LPP: variants seen among roughly 807,000 people sequenced by gnomAD.
The protein encoded by LPP is LIM domain containing preferred translocation partner in lipoma.
LPP carries 38 observed loss-of-function variants against 60.4 expected under a neutral mutation model. The observed-to-expected ratio is 0.63, with a 90% CI of 0.49 to 0.83. The LOEUF (loss-of-function observed/expected upper bound fraction) is 0.83. Ranked by LOEUF, LPP falls within the 40% of genes least tolerant of loss-of-function variation. LPP has a pLI of 0.00. For missense variants in LPP, 902 were observed against 783.6 expected, an observed-to-expected ratio of 1.15 and a Z score of -1.80; for synonymous variants, 328 against 290.8, an observed-to-expected ratio of 1.13 and a Z score of -1.30.
rs189353433 is a variant in LPP, at chr3:188,465,336, G to A, written c.194-19256G>A. On this transcript the variant is annotated intron_variant, in intron 4 of 11. Transcript: ENST00000617246. ...ATTAATATGAGAAATTCCGCAATGA[G>A]TAAGTCGGAACTATTCGGTGTTATG... Among the ~76,000 whole-genome samples the A allele has an allele frequency of 7.2e-5, 11 of 152,256 alleles. No individual in the cohort carries two copies. In the East Asian group the frequency reaches 1.9e-3, roughly 27 times the overall value.
At chr3:188,470,451 C>T (rs1279922515) in intron 4 of LPP, among the ~76,000 whole-genome samples, 1 of 151,126 alleles carries the variant, frequency 6.6e-6, no homozygotes, top group African/African-American at 2.4e-5. Flanking sequence ...TATACCCACT[C>T]AGGAAATATT....
At chr3:188,438,877 A>G (rs997972716) in intron 4 of LPP, among the ~76,000 whole-genome samples, 13 of 152,162 alleles carry the variant, frequency 8.5e-5, no homozygotes, top group African/African-American at 3.1e-4. Context: ...TTAAATACCT[A>G]TTGATTTAAA....
chr3:188,198,796 A>G (rs1031093342), intron 1 of LPP, among the ~76,000 whole-genome samples: 7 of 152,220 alleles, frequency 4.6e-5, no homozygotes, highest in Admixed American at 6.5e-5. Flanking sequence ...ACTGGTGTCC[A>G]TGAAAAACGT....
At chr3:188,521,615 A>G (rs1272837087) in intron 5 of LPP, among the ~76,000 whole-genome samples, 1 of 152,230 alleles carries the variant, frequency 6.6e-6, no homozygotes, top group Admixed American at 6.5e-5. Context: ...ATATTAATTT[A>G]TAGTTACTGG....
intron 6 of LPP, 44 bp downstream of exon 6, chr3:188,524,831 A>C: frequency 6.3e-7 from 1 of 1,577,288 alleles, no homozygotes. Flanking sequence ...ATTCCCAGAT[A>C]TTCTACTCTT....
chr3:188,242,182 A>G (rs755825118), intron 2 of LPP, among the ~76,000 whole-genome samples: 4 of 152,166 alleles, frequency 2.6e-5, no homozygotes, highest in Non-Finnish European at 4.4e-5. Flanking sequence ...GAGCTTTTAG[A>G]CACTCAGCCT....
intron 1 of LPP, among the ~76,000 whole-genome samples, chr3:188,187,357 C>T (rs536880640): frequency 7.9e-5 from 12 of 152,062 alleles, no homozygotes; most frequent in Non-Finnish European, 8.8e-5. Context: ...ACTGAACTTT[C>T]CCTTAGCATC....
intron 2 of LPP, among the ~76,000 whole-genome samples, chr3:188,272,759 C>T (rs966039719): frequency 6.6e-6 from 1 of 152,152 alleles, no homozygotes; most frequent in Admixed American, 6.5e-5. Flanking sequence ...TTAATGGTTA[C>T]AAATGCCTGG....
chr3:188,158,328 A>G (rs62289746), intron 1 of LPP, among the ~76,000 whole-genome samples: 13,278 of 152,198 alleles, frequency 0.087, 652 homozygotes, highest in Non-Finnish European at 0.099. Flanking sequence ...GCAGGAAGCT[A>G]GTATCTGGGT....
chr3:188,686,826 C>A (rs1860845225), intron 7 of LPP, among the ~76,000 whole-genome samples: 1 of 152,158 alleles, frequency 6.6e-6, no homozygotes, highest in Non-Finnish European at 1.5e-5. Flanking sequence ...CTTGCTTCTC[C>A]TGCATTTGTT....
At chr3:188,769,266 A>G (rs898268955) in intron 9 of LPP, among the ~76,000 whole-genome samples, 1 of 152,158 alleles carries the variant, frequency 6.6e-6, no homozygotes, top group African/African-American at 2.4e-5. Context: ...TCGTATTATC[A>G]CCCTTTATTA....
chr3:188,276,894 C>CTTTTTTTTTTT (rs1203656488), intron 2 of LPP, among the ~76,000 whole-genome samples: 13 of 38,200 alleles, frequency 3.4e-4, no homozygotes, highest in Admixed American at 7.3e-4. Context: ...CTTTTCTTTT[C>CTTTTTTTTTTT]TTTTTTTTTT....
chr3:188,868,894 G>C (rs1337809719), intron 10 of LPP, among the ~76,000 whole-genome samples: 1 of 152,194 alleles, frequency 6.6e-6, no homozygotes, highest in Non-Finnish European at 1.5e-5. Context: ...AAATTGTGCA[G>C]ATATATATAG....
At chr3:188,306,197 C>G (rs1028801756) in intron 2 of LPP, among the ~76,000 whole-genome samples, 1 of 152,130 alleles carries the variant, frequency 6.6e-6, no homozygotes, top group Non-Finnish European at 1.5e-5. Context: ...TCTCCTGCCT[C>G]AGCCTCCCAA....
At chr3:188,205,543 A>G (rs949900992) in intron 1 of LPP, among the ~76,000 whole-genome samples, 1 of 152,144 alleles carries the variant, frequency 6.6e-6, no homozygotes, top group African/African-American at 2.4e-5. Flanking sequence ...CGGCCTCCCA[A>G]AGTGCTGGGA....
chr3:188,465,933 C>T (rs1211907957), intron 4 of LPP, among the ~76,000 whole-genome samples: 2 of 152,096 alleles, frequency 1.3e-5, no homozygotes, highest in Admixed American at 6.6e-5. Context: ...AAAGTTCTCA[C>T]GTGTTTTTAA....
At chr3:188,399,658 A>G (rs559425695) in intron 3 of LPP, among the ~76,000 whole-genome samples, 100 of 152,346 alleles carry the variant, frequency 6.6e-4, no homozygotes, top group African/African-American at 2.2e-3. Flanking sequence ...CTCTAAGTCA[A>G]TTATTCTCAA....
At chr3:188,194,022 TCTTTGGTC>T (rs1380474272) in intron 1 of LPP, among the ~76,000 whole-genome samples, 1 of 152,234 alleles carries the variant, frequency 6.6e-6, no homozygotes, top group African/African-American at 2.4e-5. Context: ...CCACTCACCA[TCTTTGGTC>T]CTTTATGTAC....
rs1769951890 is a variant in LPP, at chr3:188,881,139, C to CAAAAG, written c.*6664_*6665insGAAAA. On this transcript the variant is annotated 3_prime_UTR_variant, in exon 12 of 12. Transcript: ENST00000617246. ...TGGGCGAAAGAGCGAGACTCCGTCT[C>CAAAAG]AAAAAAAAAAAAAAAAAAATAGGAT... is the stretch of plus-strand genomic sequence containing the variant. 1.4e-5 allele frequency: 1 copy of CAAAAG among 72,388 alleles called. No homozygotes were observed. The highest frequency in any genetic ancestry group is 3.1e-5 in the Non-Finnish European group (1 of 32,568). The allele number at this position is 72,388 out of a possible 1,614,324, so 4.5% of individuals were successfully genotyped here. A position where few individuals can be genotyped will look rare whatever the true frequency, so the allele number is the denominator to read the frequency against.
Sources: allele counts gnomAD v4.1 joint callset (sites outside exome capture counted in the v4.1 genomes callset), GRCh38; gene constraint gnomAD v4.1.1; transcripts MANE v1.5; gene names NCBI Gene and HGNC (gene_info 2026-07-23, HGNC 2026-07-21).